The following THSD4 variants were observed in gnomAD, a reference collection of about 807,000 sequenced individuals.
THSD4 encodes thrombospondin type-1 domain-containing protein 4.
In THSD4, 69 loss-of-function variants were observed where a neutral mutation model predicts 119.0. The ratio of observed to expected loss-of-function variants is 0.58; its 90% CI spans 0.48 to 0.71. THSD4 has a LOEUF of 0.71. Ranked by LOEUF, THSD4 falls within the 30% of genes least tolerant of loss-of-function variation. The probability of loss-of-function intolerance (pLI) is 0.00; values close to 1 mark genes in which losing one functional copy is unlikely to be tolerated. For missense variants in THSD4, 1,393 were observed against 1,391.1 expected (o/e 1.00, Z -0.02); for synonymous variants, 524 against 540.4 (o/e 0.97, Z 0.42).
At chr15:71,266,630 A>C (rs947186967) in intron 6 of THSD4, among the ~76,000 whole-genome samples, 6 of 152,076 alleles carry the variant, frequency 3.9e-5, no homozygotes. Flanking sequence ...TGACAGAAGT[A>C]GGCTTCAGAA....
chr15:71,580,695 T>C (rs527830818), intron 7 of THSD4, among the ~76,000 whole-genome samples: 3 of 152,214 alleles, frequency 2.0e-5, no homozygotes, highest in Non-Finnish European at 2.9e-5. Context: ...TCTGCTTTCA[T>C]GAATTCAACT....
intron 7 of THSD4, among the ~76,000 whole-genome samples, chr15:71,652,497 G>C (rs2051112638): frequency 6.6e-6 from 1 of 152,164 alleles, no homozygotes; most frequent in African/African-American, 2.4e-5. Context: ...TCAATCCATG[G>C]AGGAGGAAAA....
At chr15:71,442,770 T>C (rs1022325148) in intron 7 of THSD4, among the ~76,000 whole-genome samples, 17 of 144,212 alleles carry the variant, frequency 1.2e-4, no homozygotes, top group African/African-American at 3.8e-4. Context: ...TGACTCTGCT[T>C]CCTCTTTGCT....
intron 7 of THSD4, among the ~76,000 whole-genome samples, chr15:71,475,160 G>C (rs1300024627): frequency 6.6e-6 from 1 of 152,108 alleles, no homozygotes; most frequent in Admixed American, 6.5e-5. Flanking sequence ...ATCCCTTTAC[G>C]AAGCCAGCCT....
intron 6 of THSD4, among the ~76,000 whole-genome samples, chr15:71,398,385 G>T (rs1272265821): frequency 6.6e-6 from 1 of 152,036 alleles, no homozygotes; most frequent in African/African-American, 2.4e-5. Context: ...AAGGTTTGGG[G>T]AATAATATAG....
intron 7 of THSD4, among the ~76,000 whole-genome samples, chr15:71,638,493 T>C (rs887080496): frequency 6.6e-6 from 1 of 152,246 alleles, no homozygotes; most frequent in Non-Finnish European, 1.5e-5. Context: ...GCACATAGAA[T>C]TGGCAAGTAG....
At chr15:71,744,956 G>T in intron 11 of THSD4, 150 bp from the exon 12 acceptor site, 1 of 960,300 alleles carries the variant, frequency 1.0e-6, no homozygotes, top group Non-Finnish European at 1.5e-6. Context: ...CTCAAATGAA[G>T]GGGGAGCGTA....
intron 6 of THSD4, among the ~76,000 whole-genome samples, chr15:71,382,379 C>G (rs187804322): frequency 3.2e-4 from 48 of 152,282 alleles, no homozygotes; most frequent in Admixed American, 2.9e-3. Context: ...CATCAGTGTA[C>G]TTTTGCTATT....
chr15:71,551,280 AAAAG>A (rs1261728454), intron 7 of THSD4, among the ~76,000 whole-genome samples: 1 of 152,228 alleles, frequency 6.6e-6, no homozygotes, highest in African/African-American at 2.4e-5. Context: ...CTGTGCTGAA[AAAAG>A]AAAGGTGAAA....
chr15:71,246,197 G>C (rs2044198839), intron 5 of THSD4, among the ~76,000 whole-genome samples: 1 of 152,160 alleles, frequency 6.6e-6, no homozygotes, highest in Non-Finnish European at 1.5e-5. Flanking sequence ...GTCAGGTTCA[G>C]ACAAGATGGA....
intron 8 of THSD4, among the ~76,000 whole-genome samples, chr15:71,718,587 C>T (rs545485439): frequency 7.2e-5 from 11 of 152,328 alleles, no homozygotes; most frequent in African/African-American, 2.6e-4. Context: ...ATCTTTTAGG[C>T]ATCCCAGTGC....
intron 6 of THSD4, among the ~76,000 whole-genome samples, chr15:71,377,555 G>A (rs891143172): frequency 5.3e-5 from 8 of 152,092 alleles, no homozygotes; most frequent in Non-Finnish European, 8.8e-5. Flanking sequence ...GGGACAAGAG[G>A]ACATTGAAGA....
chr15:71,745,013 C>T (rs936083638), intron 11 of THSD4, 93 bp from the exon 12 acceptor site: 1 of 1,499,734 alleles, frequency 6.7e-7, no homozygotes, highest in African/African-American at 1.4e-5. Context: ...TGTGCCCTCT[C>T]TTCATCAGCA....
chr15:71,466,982 G>A lies in THSD4; in HGVS notation c.1152+55159G>A, dbSNP rs536276665. Among the ~76,000 whole-genome samples the A allele has an allele frequency of 1.9e-3, 296 of 152,312 alleles. 17 individuals are homozygous for A. In the South Asian group the frequency reaches 0.059, roughly 31 times the overall value. On this transcript the variant is annotated intron_variant, in intron 7 of 17. Coordinates refer to ENST00000261862, the MANE Select transcript of THSD4 (RefSeq NM_024817.3). ...CCTCTAATCCGGTGTCCCCTGTGAG[G>A]CATTGCCCTCGCGTTTGTAACTCAC... is the stretch of plus-strand genomic sequence containing the variant.
intron 4 of THSD4, among the ~76,000 whole-genome samples, chr15:71,223,040 C>G (rs142030165): frequency 6.6e-6 from 1 of 152,210 alleles, no homozygotes; most frequent in African/African-American, 2.4e-5. Flanking sequence ...ATGCTTAGCA[C>G]AGTATCTCCT....
At chr15:71,281,148 G>A (rs2044647280) in intron 6 of THSD4, among the ~76,000 whole-genome samples, 1 of 152,216 alleles carries the variant, frequency 6.6e-6, no homozygotes, top group South Asian at 2.1e-4. Flanking sequence ...GTTCCCCTGT[G>A]GGTCTGTGGC....
At chr15:71,371,611 C>G (rs749706634) in intron 6 of THSD4, among the ~76,000 whole-genome samples, 9 of 152,324 alleles carry the variant, frequency 5.9e-5, no homozygotes, top group Non-Finnish European at 1.0e-4. Flanking sequence ...TGGACCCCCA[C>G]TGACTTCTGG....
chr15:71,503,601 G>C (rs756951946), intron 7 of THSD4, among the ~76,000 whole-genome samples: 5 of 152,132 alleles, frequency 3.3e-5, no homozygotes, highest in African/African-American at 9.7e-5. Context: ...TAGCAGAATT[G>C]TATCAGCCTG....
intron 8 of THSD4, among the ~76,000 whole-genome samples, chr15:71,727,269 C>G (rs1331478587): frequency 6.6e-6 from 1 of 152,104 alleles, no homozygotes. Flanking sequence ...ACACAGCCCA[C>G]AGCCTCAGAT....
Sources: allele counts gnomAD v4.1 joint callset (sites outside exome capture counted in the v4.1 genomes callset), GRCh38; gene constraint gnomAD v4.1.1; transcripts MANE v1.5; gene names NCBI Gene and HGNC (gene_info 2026-07-23, HGNC 2026-07-21).